Variants in GRID2 observed in about 807,000 individuals in gnomAD.
GRID2 encodes glutamate ionotropic receptor delta type subunit 2.
GRID2 carries 33 observed loss-of-function variants against 114.8 expected under a neutral mutation model. The ratio of observed to expected loss-of-function variants is 0.29; its 90% CI spans 0.22 to 0.38. The LOEUF (loss-of-function observed/expected upper bound fraction) is 0.38, where lower values mean the gene tolerates loss of function less well. Among genes scored for constraint, GRID2 ranks in the 10% least tolerant of loss-of-function variants. The pLI, the probability that GRID2 is intolerant of heterozygous loss-of-function variation, is 1.00. For missense variants in GRID2, 1,184 were observed against 1,257.7 expected, an observed-to-expected ratio of 0.94 and a Z score of 0.89; for synonymous variants, 505 against 449.9, an observed-to-expected ratio of 1.12 and a Z score of -1.55.
intron 13 of GRID2, among the ~76,000 whole-genome samples, chr4:93,540,185 T>C (rs1006866575): frequency 6.6e-6 from 1 of 152,052 alleles, no homozygotes; most frequent in African/African-American, 2.4e-5. Context: ...CAGCACTTTA[T>C]TGTCCTTTGA....
At chr4:93,343,582 T>A (rs1016238285) in intron 8 of GRID2, among the ~76,000 whole-genome samples, 6 of 152,134 alleles carry the variant, frequency 3.9e-5, no homozygotes. Context: ...AAATTAGTGA[T>A]AACATAAAAA....
At chr4:92,893,322 T>C (rs1045707127) in intron 2 of GRID2, among the ~76,000 whole-genome samples, 2 of 152,174 alleles carry the variant, frequency 1.3e-5, no homozygotes, top group Non-Finnish European at 2.9e-5. Flanking sequence ...AACCATCTGC[T>C]CCTTCTTGTT....
rs35103752 is a variant in GRID2 at position 92,481,981 on chromosome 4, GATATATATATATATATATATATATATAT to G, written c.89-108124_89-108097del. Reference sequence around the variant, plus strand: ...AGTGGTGGACTGGAGAATAAAATGTGATATATATATATATATATATATATATATATATATATATATATATATATATATA... The same window carrying G: ...AGTGGTGGACTGGAGAATAAAATGTGATATATATATATATATATATATATA... On this transcript the variant is annotated intron_variant, in intron 1 of 15. Transcript: ENST00000282020. Among the ~76,000 whole-genome samples the G allele has an allele frequency of 5.7e-3, 268 of 47,242 alleles. 1 individual carries two copies. The highest frequency in any genetic ancestry group is 0.021 in the Admixed American group (84 of 4,024). The allele number at this position is 47,242 out of a possible 152,430, so 31.0% of individuals were successfully genotyped here.
Position 92,471,985 on chromosome 4 carries a change from G to C in GRID2, c.89-118146G>C, listed in dbSNP as rs867848269. Among the ~76,000 whole-genome samples the C allele has an allele frequency of 6.9e-4, 37 of 53,994 alleles. 1 individual carries two copies. Among genetic ancestry groups the C allele is most frequent in the African/African-American group, 3.9e-3 (35 of 8,952 alleles). 35.4% of individuals were successfully genotyped at this position (53,994 alleles called of 152,430 possible). On this transcript the variant is annotated intron_variant, in intron 1 of 15. Coordinates refer to ENST00000282020, the MANE Select transcript of GRID2 (RefSeq NM_001510.4). Reference sequence around the variant, plus strand: ...GTCTCGCTCTGTCGCCCAGGCTGGAGTGCAGTGGCGGGATCTCGGCTCACT... The same window carrying C: ...GTCTCGCTCTGTCGCCCAGGCTGGACTGCAGTGGCGGGATCTCGGCTCACT...
intron 13 of GRID2, among the ~76,000 whole-genome samples, chr4:93,584,477 A>G (rs987922672): frequency 2.6e-5 from 4 of 152,128 alleles, no homozygotes; most frequent in Non-Finnish European, 4.4e-5. Context: ...TCAATGGTTG[A>G]AAATGTTGTT....
chr4:93,378,811 T>C (rs557105936), intron 8 of GRID2, among the ~76,000 whole-genome samples: 19 of 152,212 alleles, frequency 1.2e-4, no homozygotes, highest in African/African-American at 4.6e-4. Context: ...TGCTGTGACT[T>C]TGGAGAAAGG....
At chr4:93,025,002 A>C (rs1378888104) in intron 2 of GRID2, among the ~76,000 whole-genome samples, 1 of 151,810 alleles carries the variant, frequency 6.6e-6, no homozygotes, top group Non-Finnish European at 1.5e-5. Context: ...TGCATATTAG[A>C]GTACATTGCT....
At chr4:92,604,089 G>C (rs924401351) in intron 2 of GRID2, among the ~76,000 whole-genome samples, 1 of 152,036 alleles carries the variant, frequency 6.6e-6, no homozygotes, top group Admixed American at 6.6e-5. Flanking sequence ...CACTGTTGGT[G>C]GGAATGCAAA....
intron 13 of GRID2, among the ~76,000 whole-genome samples, chr4:93,548,814 G>A (rs188132399): frequency 3.3e-5 from 5 of 152,106 alleles, no homozygotes; most frequent in African/African-American, 1.2e-4. Context: ...TAGACAGATG[G>A]AGTAGAACTA....
chr4:93,299,899 A>G (rs568330588), intron 8 of GRID2, among the ~76,000 whole-genome samples: 10 of 152,162 alleles, frequency 6.6e-5, no homozygotes, highest in Non-Finnish European at 8.8e-5. Flanking sequence ...ATATTAGAAG[A>G]TAACTGCAAA....
intron 4 of GRID2, among the ~76,000 whole-genome samples, chr4:93,174,923 A>G (rs913580837): frequency 6.6e-6 from 1 of 152,140 alleles, no homozygotes; most frequent in Admixed American, 6.5e-5. Context: ...TGAAATTGCT[A>G]TTAAAATTCA....
At chr4:93,089,187 A>G (rs1730574670) in intron 3 of GRID2, among the ~76,000 whole-genome samples, 1 of 152,170 alleles carries the variant, frequency 6.6e-6, no homozygotes, top group African/African-American at 2.4e-5. Context: ...AAGGTATTTT[A>G]ACATTATAGA....
chr4:92,597,466 C>G (rs1729010433), intron 2 of GRID2, among the ~76,000 whole-genome samples: 1 of 152,114 alleles, frequency 6.6e-6, no homozygotes, highest in Non-Finnish European at 1.5e-5. Context: ...ACTTTTACCT[C>G]ACTATCTACA....
intron 2 of GRID2, among the ~76,000 whole-genome samples, chr4:92,969,946 T>C (rs993490000): frequency 6.6e-6 from 1 of 151,926 alleles, no homozygotes; most frequent in Non-Finnish European, 1.5e-5. Context: ...TTTCTTAAGA[T>C]AGAAAATGTA....
At chr4:92,854,382 C>T (rs77139125) in intron 2 of GRID2, among the ~76,000 whole-genome samples, 2,318 of 152,092 alleles carry the variant, frequency 0.015, 25 homozygotes, top group Non-Finnish European at 0.025. Context: ...AAAGATCACT[C>T]CAGGGGCAGA....
intron 1 of GRID2, among the ~76,000 whole-genome samples, chr4:93,806,467 C>G (rs1025902814): frequency 9.2e-5 from 14 of 152,182 alleles, no homozygotes; most frequent in African/African-American, 3.4e-4. Flanking sequence ...CTCCAAAGCC[C>G]TCCTTGAAAC....
chr4:92,846,998 G>A (rs1233322201), intron 2 of GRID2, among the ~76,000 whole-genome samples: 7 of 151,956 alleles, frequency 4.6e-5, no homozygotes, highest in Non-Finnish European at 7.4e-5. Flanking sequence ...CCCACCAGTG[G>A]TATCCTTTTA....
intron 2 of GRID2, among the ~76,000 whole-genome samples, chr4:92,863,269 C>T (rs967185851): frequency 6.6e-6 from 1 of 152,052 alleles, no homozygotes; most frequent in African/African-American, 2.4e-5. Flanking sequence ...CTTTTAAACT[C>T]CATCCTCTTA....
At chr4:93,564,603 A>G (rs914656551) in intron 13 of GRID2, among the ~76,000 whole-genome samples, 1 of 152,092 alleles carries the variant, frequency 6.6e-6, no homozygotes, top group African/African-American at 2.4e-5. Flanking sequence ...AGGCTAAAGA[A>G]TAATGAGTGT....
Sources: allele counts gnomAD v4.1 joint callset (sites outside exome capture counted in the v4.1 genomes callset), GRCh38; gene constraint gnomAD v4.1.1; transcripts MANE v1.5; gene names NCBI Gene and HGNC (gene_info 2026-07-23, HGNC 2026-07-21).